ARMC8: variants seen among roughly 807,000 people sequenced by gnomAD.
The protein encoded by ARMC8 is armadillo repeat-containing protein 8.
In ARMC8, 20 loss-of-function variants were observed where a neutral mutation model predicts 99.3. The observed-to-expected ratio is 0.20, with a 90% confidence interval of 0.14 to 0.29. The LOEUF is 0.29. Ranked by LOEUF, ARMC8 falls within the 10% of genes least tolerant of loss-of-function variation. The pLI, the probability that ARMC8 is intolerant of heterozygous loss-of-function variation, is 1.00. For synonymous variants in ARMC8, 263 were observed against 278.3 expected, an observed-to-expected ratio of 0.95 and a Z score of 0.55; for missense variants, 569 against 809.5, an observed-to-expected ratio of 0.70 and a Z score of 3.60.
At chr3:138,236,304 C>G (rs1232644859) in intron 7 of ARMC8, among the ~76,000 whole-genome samples, 1 of 152,192 alleles carries the variant, frequency 6.6e-6, no homozygotes, top group Non-Finnish European at 1.5e-5. Context: ...CATGCAAAGG[C>G]TAAACCAGTC....
intron 21 of ARMC8, among the ~76,000 whole-genome samples, chr3:138,292,960 G>C (rs2051111696): frequency 6.6e-6 from 1 of 152,162 alleles, no homozygotes; most frequent in South Asian, 2.1e-4. Flanking sequence ...ATGCCTGGAC[G>C]GTGGCCGTTT....
intron 1 of ARMC8, among the ~76,000 whole-genome samples, chr3:138,189,941 C>T (rs533039456): frequency 3.3e-5 from 5 of 152,198 alleles, no homozygotes; most frequent in Admixed American, 1.3e-4. Context: ...TGTTAAACCT[C>T]CTGAATAATC....
intron 16 of ARMC8, among the ~76,000 whole-genome samples, chr3:138,271,798 C>CTTTCTTTTTTTTT (rs1018824241): frequency 7.3e-6 from 1 of 136,134 alleles, no homozygotes; most frequent in African/African-American, 2.8e-5. Flanking sequence ...TTTTTTCTTT[C>CTTTCTTTTTTTTT]TTTTTTTTTT....
chr3:138,251,256 C>T (rs762909255), intron 12 of ARMC8, among the ~76,000 whole-genome samples: 12 of 151,748 alleles, frequency 7.9e-5, no homozygotes, highest in East Asian at 1.9e-4. Context: ...ATAAATGTAC[C>T]GTGAATTTAT....
intron 18 of ARMC8, among the ~76,000 whole-genome samples, chr3:138,283,372 A>G (rs1367195250): frequency 1.3e-5 from 2 of 152,246 alleles, no homozygotes; most frequent in Non-Finnish European, 2.9e-5. Context: ...CCTTTGAGGT[A>G]TTCCTGACTG....
intron 18 of ARMC8, among the ~76,000 whole-genome samples, chr3:138,279,886 T>C (rs1247380564): frequency 6.6e-6 from 1 of 152,248 alleles, no homozygotes; most frequent in East Asian, 1.9e-4. Context: ...ATCCCCTCTC[T>C]TGTTCTTTAT....
In ARMC8 at chr3:138,228,947, A is replaced by G; in HGVS notation, c.465A>G (p.Ala155=). ...CCACAGTGATACCACACCTCATGGC[A>G]CTGCTTAGCAGGTCCCGCTATACCC... ...TDATVIPHLM[A]LLSRSRYTQE... The change falls in exon 6 of 22, where the codon GCA becomes GCG. Residue 155 remains alanine (A), a synonymous_variant. Coordinates refer to ENST00000469044, the MANE Select transcript of ARMC8 (RefSeq NM_001363941.2). The G allele has an allele frequency of 1.2e-6, 2 of 1,609,502 alleles. No individual in the cohort carries two copies. The highest frequency in any genetic ancestry group is 2.2e-5 in the South Asian group (2 of 90,986).
intron 2 of ARMC8, among the ~76,000 whole-genome samples, chr3:138,210,507 T>C (rs1193104559): frequency 1.3e-5 from 2 of 152,154 alleles, no homozygotes; most frequent in Non-Finnish European, 2.9e-5. Context: ...TCCTTTGAGT[T>C]TCAGATTATC....
chr3:138,255,839 G>A (rs2047372680), intron 12 of ARMC8, among the ~76,000 whole-genome samples: 1 of 152,178 alleles, frequency 6.6e-6, no homozygotes, highest in Non-Finnish European at 1.5e-5. Flanking sequence ...AATTAGCTGG[G>A]CGTGGTGGCA....
chr3:138,261,364 A>G (rs1166763039), intron 12 of ARMC8: 1 of 152,220 alleles, frequency 6.6e-6, no homozygotes, highest in East Asian at 1.9e-4. Context: ...TAGCAAAAAC[A>G]GAAAGACACA....
Position 138,262,436 on chromosome 3 carries a change from A to G in ARMC8, c.1135-1303A>G, listed in dbSNP as rs370344567. The G allele has an allele frequency of 4.5e-5, 59 of 1,313,734 alleles. No homozygotes were observed. In the Middle Eastern group the frequency reaches 5.6e-4, roughly 13 times the overall value. 81.4% of individuals were successfully genotyped at this position (1,313,734 alleles called of 1,614,324 possible). A position where few individuals can be genotyped will look rare whatever the true frequency, so the allele number is the denominator to read the frequency against. On this transcript the variant is annotated intron_variant, in intron 12 of 21. Coordinates refer to ENST00000469044, the MANE Select transcript of ARMC8 (RefSeq NM_001363941.2). ...TTAATAGATGATATTTTCCCTGATC[A>G]TTGTTAATTTCAACAATATTTTCTT...
chr3:138,230,863 A>G (rs1042164865), intron 6 of ARMC8, among the ~76,000 whole-genome samples: 13 of 152,214 alleles, frequency 8.5e-5, no homozygotes, highest in African/African-American at 2.9e-4. Flanking sequence ...GAAACTCTTC[A>G]ACATAGGGAT....
rs566379094 is a variant in ARMC8, at chr3:138,223,245, A to G, written c.195-144A>G. ...TTTTCCAGATGTTTCTTTAATTAGC[A>G]GATGAGATAAACAAATGACCATTGG... is the stretch of plus-strand genomic sequence containing the variant. On this transcript the variant is annotated intron_variant, in intron 3 of 21. Coordinates refer to ENST00000469044, the MANE Select transcript of ARMC8 (RefSeq NM_001363941.2). 18 of 665,710 alleles carry G rather than the reference A, an allele frequency of 2.7e-5. No homozygotes were observed. The African/African-American group carries it at 2.9e-4, about 11-fold the overall frequency. 41.2% of individuals were successfully genotyped at this position (665,710 alleles called of 1,614,324 possible).
At chr3:138,206,109 A>G (rs2044359221) in intron 1 of ARMC8, among the ~76,000 whole-genome samples, 1 of 152,346 alleles carries the variant, frequency 6.6e-6, no homozygotes, top group South Asian at 2.1e-4. Context: ...TCAGTATCTG[A>G]TGTATAGTTT....
chr3:138,215,814 A>G (rs948554431), intron 2 of ARMC8, among the ~76,000 whole-genome samples: 2 of 152,010 alleles, frequency 1.3e-5, no homozygotes, highest in Non-Finnish European at 2.9e-5. Context: ...TGGAAAGAAA[A>G]TTAAATATTT....
rs577592973 is a variant in ARMC8, at chr3:138,227,030, G to A, written c.436-1888G>A. Among the ~76,000 whole-genome samples, 5 of 152,328 alleles carry A rather than the reference G, an allele frequency of 3.3e-5. No homozygotes were observed. In the South Asian group the frequency reaches 1.0e-3, roughly 32 times the overall value. ...AACTGACTTCCATGAGTTGGAGTGT[G>A]TAGAGGCCAGCTGTTTAAAAAGCTG... On this transcript the variant is annotated intron_variant, in intron 5 of 21. Transcript: ENST00000469044.
At chr3:138,279,223 A>G (rs918872256) in intron 18 of ARMC8, among the ~76,000 whole-genome samples, 2 of 152,164 alleles carry the variant, frequency 1.3e-5, no homozygotes, top group Non-Finnish European at 2.9e-5. Flanking sequence ...ATAAATAGAT[A>G]TTGGATTATT....
At chr3:138,277,304 G>T (rs1381785166) in intron 18 of ARMC8, among the ~76,000 whole-genome samples, 1 of 152,174 alleles carries the variant, frequency 6.6e-6, no homozygotes, top group Admixed American at 6.5e-5. Flanking sequence ...ATAAAACTTA[G>T]AGAGAAAATG....
At chr3:138,258,825 G>T (rs1412616640) in intron 12 of ARMC8, among the ~76,000 whole-genome samples, 1 of 152,154 alleles carries the variant, frequency 6.6e-6, no homozygotes, top group Non-Finnish European at 1.5e-5. Flanking sequence ...TACAGCCCAG[G>T]CCCCTAGAAA....
Sources: allele counts gnomAD v4.1 joint callset (sites outside exome capture counted in the v4.1 genomes callset), GRCh38; gene constraint gnomAD v4.1.1; transcripts MANE v1.5; gene names NCBI Gene and HGNC (gene_info 2026-07-23, HGNC 2026-07-21).